The following HERC1 variants were observed in gnomAD, a reference collection of about 807,000 sequenced individuals.
The protein encoded by HERC1 is probable E3 ubiquitin-protein ligase HERC1.
A neutral mutation model predicts 554.3 loss-of-function variants in HERC1; 160 were observed. The observed-to-expected ratio is 0.29, with a 90% CI of 0.25 to 0.33. The LOEUF is 0.33. HERC1 is among the 10% of genes least tolerant of loss of function. The pLI, the probability that HERC1 is intolerant of heterozygous loss-of-function variation, is 1.00. For synonymous variants in HERC1, 2,175 were observed against 2,131.7 expected (o/e 1.02, Z -0.56); for missense variants, 4,919 against 5,918.5 (o/e 0.83, Z 5.54).
chr15:63,697,819 CT>C (rs2153064744), intron 26 of HERC1, among the ~76,000 whole-genome samples: 1 of 152,292 alleles, frequency 6.6e-6, no homozygotes, highest in South Asian at 2.1e-4. Context: ...ACAATTTTAT[CT>C]CCTTCCTATA....
chr15:63,637,677 C>A (rs1319921059), intron 63 of HERC1, 34 bp from the exon 64 acceptor site: 4 of 1,509,592 alleles, frequency 2.6e-6, no homozygotes, highest in South Asian at 1.2e-5. Context: ...ATATTTTATT[C>A]TTTATTATAT....
At position 63,638,754 on chromosome 15, in the gene HERC1, C is replaced by A. The variant is rs1352968193; in HGVS notation, c.11924G>T (p.Gly3975Val). Residue 3975 changes from glycine to valine, a missense_variant, in exon 62 of 78, where the codon GGC becomes GTC. Gly to Val is a moderately radical substitution (Grantham distance 109). Transcript: ENST00000443617. The part of the protein sequence containing the change: ...FLMDNSKWIN[G>V]MDEQIMSWAT... The stretch of plus-strand genomic sequence containing the variant: ...CCAAGACATAATTTGTTCATCCATG[C>A]CGTTAATCCATTTACTGTTATCCTG... 6.2e-7 allele frequency: 1 copy of A among 1,613,560 alleles called. No homozygotes were observed. Among genetic ancestry groups the A allele is most frequent in the South Asian group, 1.1e-5 (1 of 91,074 alleles).
In HERC1 at chr15:63,674,947, T is replaced by C; in HGVS notation, c.7241A>G (p.His2414Arg). 1.9e-6 allele frequency: 3 copies of C among 1,614,054 alleles called. No individual in the cohort carries two copies. The highest frequency in any genetic ancestry group is 2.5e-6 in the Non-Finnish European group (3 of 1,179,892). The change falls in exon 38 of 78, where the codon CAT becomes CGT. Residue 2414 changes from histidine (H) to arginine (R), a missense_variant. Physicochemically the swap from His to Arg is conservative, Grantham distance 29. Around this residue, in one of 11 missense-constraint regions of HERC1, gnomAD observed 1,963 missense variants for 2,228.6 expected, o/e 0.88. Transcript: ENST00000443617. ...EDMGKQSTKRHEKKHRHESEE... is the reference protein window; with the variant it reads ...EDMGKQSTKRREKKHRHESEE... ...GGATTCATGTCGGTGTTTCTTTTCA[T>C]GTCGTTTGGTGCTCTGTTTGCCCAT...
At chr15:63,652,154 C>T (rs2069724609) in intron 52 of HERC1, among the ~76,000 whole-genome samples, 1 of 152,172 alleles carries the variant, frequency 6.6e-6, no homozygotes, top group Non-Finnish European at 1.5e-5. Flanking sequence ...GCAAATTAGC[C>T]TACTGTTTTA....
intron 51 of HERC1, among the ~76,000 whole-genome samples, chr15:63,653,381 T>C (rs1389697181): frequency 6.8e-6 from 1 of 146,800 alleles, no homozygotes; most frequent in Admixed American, 6.8e-5. Context: ...AGGCGGGGAC[T>C]ACAGTGAGCC....
intron 59 of HERC1, 104 bp from the exon 60 acceptor site, chr15:63,641,747 GCTTTTTGGATATTTTATATC>G: frequency 1.1e-6 from 1 of 935,096 alleles, no homozygotes; most frequent in South Asian, 2.3e-5. Flanking sequence ...GGACATCTTT[GCTTTTTGGATATTTTATATC>G]CAAAAAGGCT....
At chr15:63,777,956 A>G (rs1357134376) in intron 1 of HERC1, among the ~76,000 whole-genome samples, 1 of 152,174 alleles carries the variant, frequency 6.6e-6, no homozygotes, top group East Asian at 1.9e-4. Flanking sequence ...TCCAGGTAGA[A>G]GGCTAGTTAT....
At chr15:63,791,511 G>T (rs181033389) in intron 1 of HERC1, among the ~76,000 whole-genome samples, 1 of 152,222 alleles carries the variant, frequency 6.6e-6, no homozygotes, top group East Asian at 1.9e-4. Context: ...GAAGTTCAAA[G>T]AACAAAATAG....
intron 24 of HERC1, among the ~76,000 whole-genome samples, chr15:63,711,370 C>G (rs900554885): frequency 6.6e-6 from 1 of 151,884 alleles, no homozygotes; most frequent in South Asian, 2.1e-4. Context: ...TCAGATTGAT[C>G]AGATTTAAAA....
At chr15:63,609,288 C>A in intron 77 of HERC1, 22 bp from the exon 78 acceptor site, 4 of 1,585,580 alleles carry the variant, frequency 2.5e-6, no homozygotes, top group Non-Finnish European at 3.4e-6. Context: ...GACCCAGAGC[C>A]GTGACTGGGG....
Position 63,716,376 on chromosome 15 carries a change from C to G in HERC1, c.4076G>C (p.Arg1359Thr), listed in dbSNP as rs2073557293. 2 of 1,613,810 alleles carry G rather than the reference C, an allele frequency of 1.2e-6. No individual in the cohort carries two copies. The highest frequency in any genetic ancestry group is 2.2e-5 in the East Asian group (1 of 44,892). Residue 1359 changes from arginine to threonine, a missense_variant, in exon 22 of 78, where the codon AGA (arginine) becomes ACA (threonine). Transcript: ENST00000443617. ...EEAEMEEQAE[R>T]DREEGHPEPE... Reference sequence around the variant, plus strand: ...CTCCGGATGCCCCTCTTCCCGGTCTCTCTCAGCCTGTTCTTCCATTTCAGC... The same window carrying G: ...CTCCGGATGCCCCTCTTCCCGGTCTGTCTCAGCCTGTTCTTCCATTTCAGC...
In HERC1 at chr15:63,749,884, G is replaced by T; in HGVS notation, c.1903-93C>A. Reference sequence around the variant, plus strand: ...ATGAAATCTATGAAACTAAAGTGTGGTTTGATAGTAAATAACTTTCTGATG... The same window carrying T: ...ATGAAATCTATGAAACTAAAGTGTGTTTTGATAGTAAATAACTTTCTGATG... On this transcript the variant is annotated intron_variant, in intron 8 of 77. Coordinates refer to ENST00000443617, the MANE Select transcript of HERC1 (RefSeq NM_003922.4). The surrounding 1 kb of genome is among the most constrained non-coding windows in gnomAD (Gnocchi z 4.1). 3.9e-6 allele frequency: 4 copies of T among 1,034,834 alleles called. No homozygotes were observed. The highest frequency in any genetic ancestry group is 5.4e-6 in the Non-Finnish European group (4 of 743,160). The allele number at this position is 1,034,834 out of a possible 1,614,324, so 64.1% of individuals were successfully genotyped here.
rs1474492233 is a variant in HERC1, at chr15:63,637,528, A to G, written c.12209T>C (p.Leu4070Pro). The G allele has an allele frequency of 6.4e-7, 1 of 1,568,080 alleles. No homozygotes were observed. The highest frequency in any genetic ancestry group is 1.2e-5 in the South Asian group (1 of 85,322). Residue 4070 changes from leucine to proline, a missense_variant, in exon 64 of 78, where the codon CTG becomes CCG. By Grantham distance (98) the Leu-to-Pro change is moderately conservative (BLOSUM62 -3). Coordinates refer to ENST00000443617, the MANE Select transcript of HERC1 (RefSeq NM_003922.4). ...GQGNSDDLHV[L>P]TVISALQGFV... ...ACCTTGTAAGGCTGAAATAACTGTC[A>G]GCACATGAAGGTCATCTGAATTTCC...
rs140819055 is a variant in HERC1 at position 63,718,121 on chromosome 15, C to CACACACACACACACACACACACAT, written c.3978+452_3978+453insATGTGTGTGTGTGTGTGTGTGTGT. 2.1e-5 allele frequency among the ~76,000 whole-genome samples: 3 copies of CACACACACACACACACACACACAT among 142,970 alleles called. 1 individual carries two copies. Among genetic ancestry groups the CACACACACACACACACACACACAT allele is most frequent in the African/African-American group, 7.9e-5 (3 of 37,988 alleles). 93.8% of individuals were successfully genotyped at this position (142,970 alleles called of 152,430 possible). ...ACACACACACACACACACACACACACACAACCCCCTCCTTGGTTTTCACTT... is the reference window on the plus strand; with the variant it reads ...ACACACACACACACACACACACACACACACACACACACACACACACACATACAACCCCCTCCTTGGTTTTCACTT... On this transcript the variant is annotated intron_variant, in intron 21 of 77. Transcript: ENST00000443617. This position sits in a 1 kb window ranked among gnomAD's most constrained non-coding sequence, Gnocchi z 4.2.
At chr15:63,646,379 A>G (rs1015224848) in intron 55 of HERC1, among the ~76,000 whole-genome samples, 4 of 152,176 alleles carry the variant, frequency 2.6e-5, no homozygotes, top group African/African-American at 9.7e-5. Context: ...TTATTTTTAC[A>G]TAGACTTATC....
Position 63,707,928 on chromosome 15 carries a change from C to CAAAAAAAAAAA in HERC1, c.4585-1108_4585-1098dup, listed in dbSNP as rs71131176. On this transcript the variant is annotated intron_variant, in intron 24 of 77. Transcript: ENST00000443617. ...CGGATGACAGAGCAAGACTCCCTCT[C>CAAAAAAAAAAA]AAAAAAAAAAAAAAAAAAAAAAAAA... Among the ~76,000 whole-genome samples the CAAAAAAAAAAA allele has an allele frequency of 1.4e-4, 8 of 55,204 alleles. 1 individual carries two copies. The highest frequency in any genetic ancestry group is 5.0e-4 in the African/African-American group (8 of 16,004). The allele number at this position is 55,204 out of a possible 152,430, so 36.2% of individuals were successfully genotyped here. A position where few individuals can be genotyped will look rare whatever the true frequency, so the allele number is the denominator to read the frequency against.
At chr15:63,626,439 T>C (rs1328502073) in intron 70 of HERC1, among the ~76,000 whole-genome samples, 1 of 152,230 alleles carries the variant, frequency 6.6e-6, no homozygotes, top group Non-Finnish European at 1.5e-5. Flanking sequence ...TATTTAACAA[T>C]AGAACTTAGG....
chr15:63,818,740 T>G lies in HERC1; in HGVS notation c.-27+15087A>C, dbSNP rs190486376. On this transcript the variant is annotated intron_variant, in intron 1 of 77. Coordinates refer to ENST00000443617, the MANE Select transcript of HERC1 (RefSeq NM_003922.4). ...AAAGAACAAGAGAAATGGGACATAC[T>G]AAACTTTTATCAACATTTCACTACT... Among the ~76,000 whole-genome samples the G allele has an allele frequency of 4.6e-5, 7 of 152,324 alleles. No homozygotes were observed. In the East Asian group the frequency reaches 1.2e-3, roughly 25 times the overall value.
chr15:63,722,029 A>AT (rs1372909237), intron 19 of HERC1, among the ~76,000 whole-genome samples: 2 of 151,896 alleles, frequency 1.3e-5, no homozygotes, highest in African/African-American at 2.4e-5. Context: ...ACCAGCTAAT[A>AT]TTTTTTTGTA....
Sources: allele counts gnomAD v4.1 joint callset (sites outside exome capture counted in the v4.1 genomes callset), GRCh38; gene constraint gnomAD v4.1.1; regional missense constraint gnomAD v4.1.1; non-coding constraint Gnocchi (gnomAD v3.1); transcripts MANE v1.5; gene names NCBI Gene and HGNC (gene_info 2026-07-23, HGNC 2026-07-21).